TBC1D19: variants seen among roughly 807,000 people sequenced by gnomAD.
The protein encoded by TBC1D19 is TBC1 domain family member 19.
In TBC1D19, 60 loss-of-function variants were observed where a neutral mutation model predicts 89.0. The ratio of observed to expected loss-of-function variants is 0.67; its 90% CI spans 0.55 to 0.84. The LOEUF (loss-of-function observed/expected upper bound fraction) is 0.84. Ranked by LOEUF, TBC1D19 falls within the 40% of genes least tolerant of loss-of-function variation. The probability of loss-of-function intolerance (pLI) is 0.00; values close to 1 mark genes in which losing one functional copy is unlikely to be tolerated. For missense variants in TBC1D19, 500 were observed against 610.8 expected, an observed-to-expected ratio of 0.82 and a Z score of 1.91; for synonymous variants, 189 against 199.7, an observed-to-expected ratio of 0.95 and a Z score of 0.45.
the TBC1D19 span, among the ~76,000 whole-genome samples, chr4:26,856,655 T>C: frequency 2.0e-5 from 3 of 152,246 alleles, no homozygotes; most frequent in South Asian, 4.1e-4. Flanking sequence ...TTTTTGATAA[T>C]AGCCATCATT....
intron 7 of TBC1D19, among the ~76,000 whole-genome samples, chr4:26,642,759 A>G (rs1743634757): frequency 6.6e-6 from 1 of 152,232 alleles, no homozygotes. Flanking sequence ...TGGAAAGCAC[A>G]AAAAGAGCAG....
intron 1 of TBC1D19, among the ~76,000 whole-genome samples, chr4:26,596,857 A>G (rs1226392721): frequency 1.3e-5 from 2 of 152,148 alleles, no homozygotes; most frequent in African/African-American, 4.8e-5. Flanking sequence ...CTCAAGGGCT[A>G]TTTTGAAGTA....
chr4:26,581,974 CT>C (rs763498376), upstream of TBC1D19, among the ~76,000 whole-genome samples: 338 of 141,656 alleles, frequency 2.4e-3, no homozygotes, highest in East Asian at 2.9e-3. Context: ...GATTAAGGGA[CT>C]TTTTTTTTTT....
chr4:26,784,547 T>A, the TBC1D19 span, among the ~76,000 whole-genome samples: 13 of 152,214 alleles, frequency 8.5e-5, no homozygotes, highest in Non-Finnish European at 1.6e-4. Flanking sequence ...TATGCTGGGC[T>A]GGTGAAACAC....
chr4:26,786,286 C>T, the TBC1D19 span, among the ~76,000 whole-genome samples: 1 of 152,108 alleles, frequency 6.6e-6, no homozygotes, highest in Non-Finnish European at 1.5e-5. Context: ...AAGTGCTGGG[C>T]TAGGCTTTGT....
chr4:26,805,463 C>G, the TBC1D19 span, among the ~76,000 whole-genome samples: 1 of 152,220 alleles, frequency 6.6e-6, no homozygotes, highest in South Asian at 2.1e-4. Context: ...CAGTCTTAGT[C>G]CTTGACTTAG....
intron 1 of TBC1D19, among the ~76,000 whole-genome samples, chr4:26,597,928 A>G (rs1289483923): frequency 1.3e-5 from 2 of 152,032 alleles, no homozygotes; most frequent in African/African-American, 2.4e-5. Context: ...CTTATTCTTG[A>G]TTAATTATAG....
chr4:26,693,663 C>T (rs1298979079), intron 13 of TBC1D19, among the ~76,000 whole-genome samples: 1 of 151,006 alleles, frequency 6.6e-6, no homozygotes, highest in East Asian at 1.9e-4. Context: ...CCATTACACT[C>T]CAGCCTAGGC....
At chr4:26,831,140 C>T in the TBC1D19 span, among the ~76,000 whole-genome samples, 1 of 152,100 alleles carries the variant, frequency 6.6e-6, no homozygotes, top group African/African-American at 2.4e-5. Flanking sequence ...AGGGAAAAAA[C>T]CTCTATAATC....
chr4:26,655,009 T>C (rs1333620393), intron 7 of TBC1D19, among the ~76,000 whole-genome samples: 1 of 152,216 alleles, frequency 6.6e-6, no homozygotes, highest in Non-Finnish European at 1.5e-5. Flanking sequence ...TGGTTTTATC[T>C]ACCTTTGGTC....
chr4:26,709,513 A>G lies in TBC1D19; in HGVS notation c.955-8420A>G, dbSNP rs545717286. Reference sequence around the variant, plus strand: ...ACCTCTCTGGTCAGAAGAAGCAATCAGAGTACAGATACCAGACATTTGGAG... The same window carrying G: ...ACCTCTCTGGTCAGAAGAAGCAATCGGAGTACAGATACCAGACATTTGGAG... On this transcript the variant is annotated intron_variant, in intron 13 of 20. Coordinates refer to ENST00000264866, the MANE Select transcript of TBC1D19 (RefSeq NM_018317.4). Among the ~76,000 whole-genome samples the G allele has an allele frequency of 2.0e-5, 3 of 152,200 alleles. No homozygotes were observed. The East Asian group carries it at 5.8e-4, about 29-fold the overall frequency.
chr4:26,685,709 G>A (rs1231965987), intron 12 of TBC1D19, among the ~76,000 whole-genome samples: 3 of 152,134 alleles, frequency 2.0e-5, no homozygotes, highest in African/African-American at 4.8e-5. Context: ...TTTCACAGAG[G>A]TTTTTCACTA....
intron 12 of TBC1D19, among the ~76,000 whole-genome samples, chr4:26,687,447 C>G (rs1341436163): frequency 6.6e-6 from 1 of 152,108 alleles, no homozygotes; most frequent in African/African-American, 2.4e-5. Context: ...AGCACACAAG[C>G]AGCAGTTTCC....
intron 8 of TBC1D19, among the ~76,000 whole-genome samples, chr4:26,663,356 GGAAA>G (rs1341395247): frequency 7.9e-5 from 12 of 152,098 alleles, no homozygotes; most frequent in Admixed American, 3.3e-4. Flanking sequence ...ACTGAAGGAC[GGAAA>G]GAATGTGCAT....
chr4:26,834,884 C>T, the TBC1D19 span, among the ~76,000 whole-genome samples: 1 of 152,184 alleles, frequency 6.6e-6, no homozygotes, highest in South Asian at 2.1e-4. Context: ...AAGGTTCAGA[C>T]CCAGCTATCA....
At chr4:26,697,829 T>G (rs1401920336) in intron 13 of TBC1D19, among the ~76,000 whole-genome samples, 1 of 152,196 alleles carries the variant, frequency 6.6e-6, no homozygotes, top group Admixed American at 6.5e-5. Context: ...TGCTAAAAAC[T>G]CTCAATAAAT....
intron 18 of TBC1D19, among the ~76,000 whole-genome samples, chr4:26,745,820 T>C (rs1455717642): frequency 2.0e-5 from 3 of 152,038 alleles, no homozygotes; most frequent in Admixed American, 6.6e-5. Context: ...CCAATATACT[T>C]CTTTAATTAA....
chr4:26,587,625 A>G (rs1454376675), intron 1 of TBC1D19, among the ~76,000 whole-genome samples: 2 of 149,150 alleles, frequency 1.3e-5, no homozygotes, highest in Admixed American at 6.7e-5. Flanking sequence ...TTTTTCTTGT[A>G]ACACTTTGTC....
At chr4:26,771,583 G>A in the TBC1D19 span, among the ~76,000 whole-genome samples, 8 of 152,178 alleles carry the variant, frequency 5.3e-5, no homozygotes, top group South Asian at 1.4e-3. Context: ...GACAAATACT[G>A]CATGATTCCA....
Sources: gnomAD v4.1 joint callset for allele counts (sites outside exome capture counted in the v4.1 genomes callset) on GRCh38, gnomAD v4.1.1 for gene constraint, MANE v1.5 for transcripts, NCBI Gene and HGNC (gene_info 2026-07-23, HGNC 2026-07-21) for gene names.